Variants in RIT2 observed in about 807,000 individuals in gnomAD.
RIT2 encodes GTP-binding protein Rit2.
RIT2 carries 24 observed loss-of-function variants against 23.7 expected under a neutral mutation model. That is an observed-to-expected ratio of 1.01 (90% confidence interval 0.73 to 1.43). The LOEUF is 1.43. RIT2 is among the 40% of genes most tolerant of loss of function. The pLI, the probability that RIT2 is intolerant of heterozygous loss-of-function variation, is 0.00. For synonymous variants in RIT2, 107 were observed against 91.1 expected (o/e 1.17, Z -0.99); for missense variants, 236 against 266.9 (o/e 0.88, Z 0.81).
intron 3 of RIT2, among the ~76,000 whole-genome samples, chr18:42,945,757 G>A (rs2144165164): frequency 6.6e-6 from 1 of 152,140 alleles, no homozygotes; most frequent in East Asian, 1.9e-4. Context: ...CATCATATCT[G>A]TGAAGGCTTT....
At chr18:42,877,348 TATTTTTGTGGTTATCTCTA>T (rs1907769380) in intron 4 of RIT2, among the ~76,000 whole-genome samples, 1 of 151,680 alleles carries the variant, frequency 6.6e-6, no homozygotes, top group Non-Finnish European at 1.5e-5. Flanking sequence ...TATTTTTTGT[TATTTTTGTGGTTATCTCTA>T]TGAGGGTAAC....
chr18:42,817,757 C>A (rs1408435663), intron 4 of RIT2, among the ~76,000 whole-genome samples: 4 of 152,030 alleles, frequency 2.6e-5, no homozygotes, highest in African/African-American at 9.7e-5. Flanking sequence ...CATAACTTTT[C>A]TGTGCCTCAA....
intron 4 of RIT2, among the ~76,000 whole-genome samples, chr18:42,884,928 T>C (rs964390499): frequency 2.6e-5 from 4 of 152,210 alleles, no homozygotes; most frequent in Non-Finnish European, 5.9e-5. Flanking sequence ...CCCATCATTC[T>C]TGCTCACTTT....
intron 1 of RIT2, among the ~76,000 whole-genome samples, chr18:43,092,312 A>G (rs1913441505): frequency 6.6e-6 from 1 of 152,138 alleles, no homozygotes; most frequent in African/African-American, 2.4e-5. Context: ...TGCAATAGCC[A>G]AAATCAAAGA....
intron 4 of RIT2, among the ~76,000 whole-genome samples, chr18:42,771,600 T>G (rs1913552811): frequency 6.6e-6 from 1 of 152,172 alleles, no homozygotes. Flanking sequence ...ATTAAAATCA[T>G]GAATGGATTG....
At chr18:43,024,710 C>T (rs1302991583) in intron 2 of RIT2, among the ~76,000 whole-genome samples, 3 of 80,776 alleles carry the variant, frequency 3.7e-5, no homozygotes, top group Non-Finnish European at 7.7e-5. Context: ...CTCAAACAAA[C>T]AACAACAACA....
intron 2 of RIT2, among the ~76,000 whole-genome samples, chr18:42,995,908 A>C (rs2144234724): frequency 6.6e-6 from 1 of 152,296 alleles, no homozygotes; most frequent in South Asian, 2.1e-4. Context: ...GCTCTTGTTT[A>C]CACTGCTGGT....
intron 3 of RIT2, among the ~76,000 whole-genome samples, chr18:42,941,308 A>G (rs1217203272): frequency 6.6e-6 from 1 of 152,108 alleles, no homozygotes; most frequent in Non-Finnish European, 1.5e-5. Flanking sequence ...GAGGAACACT[A>G]AAAGCTATTC....
intron 2 of RIT2, among the ~76,000 whole-genome samples, chr18:42,990,550 T>C (rs1444963833): frequency 6.6e-6 from 1 of 152,190 alleles, no homozygotes; most frequent in Non-Finnish European, 1.5e-5. Flanking sequence ...ATAACCCTGT[T>C]AAAGAAATGT....
intron 4 of RIT2, among the ~76,000 whole-genome samples, chr18:42,824,326 T>C (rs1370829810): frequency 6.6e-6 from 1 of 152,092 alleles, no homozygotes; most frequent in African/African-American, 2.4e-5. Context: ...GTAAGTCAAT[T>C]AGACTGTTAC....
intron 2 of RIT2, among the ~76,000 whole-genome samples, chr18:42,990,007 ATATGTGTG>A (rs1423618797): frequency 4.3e-5 from 3 of 70,306 alleles, no homozygotes; most frequent in East Asian, 6.1e-4. Context: ...GTATTTACAG[ATATGTGTG>A]TGTGTGTGTG....
intron 2 of RIT2, among the ~76,000 whole-genome samples, chr18:42,990,143 A>T (rs1910808221): frequency 6.6e-6 from 1 of 152,008 alleles, no homozygotes. Flanking sequence ...TTTGAAATTC[A>T]GTCAATCTGA....
chr18:43,006,912 T>C (rs1421341375), intron 2 of RIT2, among the ~76,000 whole-genome samples: 1 of 151,406 alleles, frequency 6.6e-6, no homozygotes, highest in Non-Finnish European at 1.5e-5. Context: ...GAATGCTTTA[T>C]ACAATTATTG....
chr18:42,769,710 A>G (rs1913504092), intron 4 of RIT2, among the ~76,000 whole-genome samples: 1 of 151,986 alleles, frequency 6.6e-6, no homozygotes, highest in Non-Finnish European at 1.5e-5. Context: ...CCTGTGAAAT[A>G]TGATTATATT....
In RIT2 at chr18:42,994,709, G is replaced by A. The variant is rs150896556; in HGVS notation, c.161-20562C>T. ...TTTGTCCAAACAACTTGACCTTACT[G>A]TTTTAGGCTGGCCATCATGTCTCCA... On this transcript the variant is annotated intron_variant, in intron 2 of 4. Transcript: ENST00000326695. Among the ~76,000 whole-genome samples the A allele has an allele frequency of 4.1e-3, 624 of 152,218 alleles. 4 individuals carry two copies. Among genetic ancestry groups the A allele is most frequent in the Middle Eastern group, 0.017 (5 of 292 alleles).
intron 1 of RIT2, among the ~76,000 whole-genome samples, chr18:43,079,218 G>A (rs750160765): frequency 6.6e-6 from 1 of 152,108 alleles, no homozygotes; most frequent in Non-Finnish European, 1.5e-5. Flanking sequence ...CACAAAGCTT[G>A]TAAAACTTAT....
At chr18:43,016,495 C>G (rs538025192) in intron 2 of RIT2, among the ~76,000 whole-genome samples, 1 of 151,744 alleles carries the variant, frequency 6.6e-6, no homozygotes, top group African/African-American at 2.4e-5. Context: ...TAATTCAGTC[C>G]CTTTTCATCA....
chr18:43,066,223 A>C (rs1387230384), intron 1 of RIT2, among the ~76,000 whole-genome samples: 1 of 152,182 alleles, frequency 6.6e-6, no homozygotes, highest in Non-Finnish European at 1.5e-5. Context: ...ACTGAAACCA[A>C]GTGGTAAGTC....
intron 4 of RIT2, among the ~76,000 whole-genome samples, chr18:42,837,997 A>G (rs918047237): frequency 6.6e-6 from 1 of 152,132 alleles, no homozygotes; most frequent in Non-Finnish European, 1.5e-5. Flanking sequence ...TGGGGAGAAA[A>G]AGATGTCATG....
Sources: allele counts gnomAD v4.1 joint callset (sites outside exome capture counted in the v4.1 genomes callset), GRCh38; gene constraint gnomAD v4.1.1; transcripts MANE v1.5; gene names NCBI Gene and HGNC (gene_info 2026-07-23, HGNC 2026-07-21).